Variants in DSG4 observed in about 807,000 individuals in gnomAD.
DSG4 encodes desmoglein 4.
Under a neutral mutation model 93.1 loss-of-function variants are expected in DSG4, and 87 were observed. That is an observed-to-expected ratio of 0.93 (90% confidence interval 0.79 to 1.12). The LOEUF (loss-of-function observed/expected upper bound fraction) is 1.12. Among genes scored for constraint, DSG4 ranks in the 50% most tolerant of loss-of-function variants. DSG4 has a pLI of 0.00. For synonymous variants in DSG4, 432 were observed against 452.9 expected (o/e 0.95, Z 0.59); for missense variants, 1,373 against 1,285.7 (o/e 1.07, Z -1.04).
At chr18:31,392,464 A>G (rs2072260963) in intron 8 of DSG4, 124 bp downstream of exon 8, 3 of 1,068,156 alleles carry the variant, frequency 2.8e-6, no homozygotes, top group Non-Finnish European at 4.2e-6. Flanking sequence ...TATTGTTTAT[A>G]TCAAGGGTCC....
At position 31,409,535 on chromosome 18, in the gene DSG4, G is replaced by A. The variant is rs1378744863; in HGVS notation, c.2017G>A (p.Gly673Ser). ...LGTRFAPVPE[G>S]GEGVMQSWRI... is the part of the protein sequence containing the mutation. ...AACAAGATTTGCTCCTGTGCCTGAGGGCGGAGAAGGAGTGATGCAGTCTTG... is the reference window on the plus strand; with the variant it reads ...AACAAGATTTGCTCCTGTGCCTGAGAGCGGAGAAGGAGTGATGCAGTCTTG... The change falls in exon 13 of 16, where the codon GGC (glycine) becomes AGC (serine). Residue 673 changes from glycine to serine, a missense_variant. Coordinates refer to ENST00000308128, the MANE Select transcript of DSG4 (RefSeq NM_177986.5). The A allele has an allele frequency of 2.5e-6, 4 of 1,614,074 alleles. No individual in the cohort carries two copies. Among genetic ancestry groups the A allele is most frequent in the Non-Finnish European group, 3.4e-6 (4 of 1,180,056 alleles).
chr18:31,391,245 A>G, intron 7 of DSG4, 33 bp downstream of exon 7: 1 of 1,612,340 alleles, frequency 6.2e-7, no homozygotes, highest in Non-Finnish European at 8.5e-7. Context: ...CTTTTTCCAT[A>G]AGTGTCAATA....
At chr18:31,412,431 A>G (rs2072504701) in intron 15 of DSG4, among the ~76,000 whole-genome samples, 1 of 152,212 alleles carries the variant, frequency 6.6e-6, no homozygotes, top group African/African-American at 2.4e-5. Context: ...GTTAGAATGA[A>G]GAAGATCTAG....
At chr18:31,399,082 T>TA (rs2072335390) in intron 8 of DSG4, among the ~76,000 whole-genome samples, 190 bp from the exon 9 acceptor site, 2 of 152,316 alleles carry the variant, frequency 1.3e-5, no homozygotes, top group South Asian at 4.1e-4. Flanking sequence ...CTGATTATGC[T>TA]AAAAGATGAA....
intron 14 of DSG4, 83 bp downstream of exon 14, chr18:31,409,891 T>C (rs997893553): frequency 2.0e-6 from 3 of 1,467,370 alleles, no homozygotes; most frequent in African/African-American, 2.8e-5. Context: ...AAGTACCTTA[T>C]GGAAAAGTCT....
intron 1 of DSG4, 22 bp downstream of exon 1, chr18:31,376,981 G>A: frequency 6.2e-7 from 1 of 1,611,994 alleles, no homozygotes; most frequent in Non-Finnish European, 8.5e-7. Context: ...TTAAAGAGGT[G>A]GGAAGGAAAT....
At chr18:31,377,191 A>G (rs1008189988) in intron 1 of DSG4, among the ~76,000 whole-genome samples, 11 of 152,222 alleles carry the variant, frequency 7.2e-5, no homozygotes, top group African/African-American at 2.4e-4. Flanking sequence ...GCCCTCAGAG[A>G]CATAATCTAC....
At chr18:31,404,865 T>A (rs1326051868) in intron 11 of DSG4, among the ~76,000 whole-genome samples, 3 of 152,172 alleles carry the variant, frequency 2.0e-5, no homozygotes, top group African/African-American at 7.2e-5. Context: ...ATCCTAGATA[T>A]TATGATTACA....
rs758293444 is a variant in DSG4, at chr18:31,385,138, G to A, written c.51G>A (p.Val17=). The A allele has an allele frequency of 3.2e-5, 51 of 1,601,396 alleles. No individual in the cohort carries two copies. In the Admixed American group the frequency reaches 8.4e-4, roughly 26 times the overall value. Reference sequence around the variant, plus strand: ...TGTGGTATCTTCTATCAAAACAGGTGGTGATGGAAGTAAACAGTGAATTTA... The same window carrying A: ...TGTGGTATCTTCTATCAAAACAGGTAGTGATGGAAGTAAACAGTGAATTTA... ...RNICLLIILM[V]VMEVNSEFIV... Residue 17 remains valine, a splice_region_variant and synonymous_variant, in exon 2 of 16, where the codon GTG becomes GTA. Transcript: ENST00000308128.
At position 31,413,576 on chromosome 18, in the gene DSG4, T is replaced by A; in HGVS notation, c.3104T>A (p.Ile1035Lys). The A allele has an allele frequency of 6.2e-7, 1 of 1,613,832 alleles. No homozygotes were observed. Among genetic ancestry groups the A allele is most frequent in the Non-Finnish European group, 8.5e-7 (1 of 1,179,990 alleles). The change falls in exon 16 of 16, where the codon ATA becomes AAA. Residue 1035 changes from isoleucine (I) to lysine (K), a missense_variant. By Grantham distance (102) the Ile-to-Lys change is moderately radical. Coordinates refer to ENST00000308128, the MANE Select transcript of DSG4 (RefSeq NM_177986.5). ...SRHRVTRYSN[I>K]HYTQQ ...CACAGAGTAACACGATACAGTAACA[T>A]ACATTACACCCAACAGTAAGTGCTT...
rs2072522932 is a variant in DSG4, at chr18:31,413,535, C to T, written c.3063C>T (p.Ser1021=). 1 of 1,613,996 alleles carries T rather than the reference C, an allele frequency of 6.2e-7. No individual in the cohort carries two copies. The highest frequency in any genetic ancestry group is 8.5e-7 in the Non-Finnish European group (1 of 1,179,990). ...TAGGCCAAACCGTTGGCTCCACATC[C>T]CCCATGACATCTCGACACAGAGTAA... ...LPIGQTVGST[S]PMTSRHRVTR... is the part of the protein sequence containing the mutation. The change falls in exon 16 of 16, where the codon TCC becomes TCT. Residue 1021 remains serine, a synonymous_variant. Coordinates refer to ENST00000308128, the MANE Select transcript of DSG4 (RefSeq NM_177986.5).
intron 15 of DSG4, 114 bp from the exon 16 acceptor site, chr18:31,412,714 A>G (rs2072507666): frequency 5.6e-6 from 6 of 1,063,056 alleles, no homozygotes; most frequent in Admixed American, 2.2e-5. Flanking sequence ...TGATACCATT[A>G]TTCAGTTTAT....
At chr18:31,387,691 T>G (rs2072202931) in intron 3 of DSG4, among the ~76,000 whole-genome samples, 1 of 152,158 alleles carries the variant, frequency 6.6e-6, no homozygotes, top group South Asian at 2.1e-4. Context: ...TCCAGCAGTC[T>G]TTATTTGACT....
At chr18:31,403,252 A>G (rs959932893) in intron 10 of DSG4, among the ~76,000 whole-genome samples, 164 bp from the exon 11 acceptor site, 1 of 152,212 alleles carries the variant, frequency 6.6e-6, no homozygotes. Context: ...GGTAGCACAC[A>G]AAGGGAAGAG....
chr18:31,392,125 T>C, intron 7 of DSG4, 30 bp from the exon 8 acceptor site: 2 of 1,608,632 alleles, frequency 1.2e-6, no homozygotes, highest in East Asian at 2.2e-5. Flanking sequence ...TGAAAATTCA[T>C]TGACTACAAA....
Position 31,409,778 on chromosome 18 carries a change from T to A in DSG4, c.2107T>A (p.Ser703Thr). Residue 703 changes from serine (S) to threonine (T), a missense_variant, in exon 14 of 16, where the codon TCA (serine) becomes ACA (threonine). Ser to Thr is a moderately conservative substitution (Grantham distance 58). Transcript: ENST00000308128. ...AAATATATGTGCACCCATGACAGCC[T>A]CAAATACCCAGGATCGGATGGATTC... ...VSNICAPMTASNTQDRMDSSE... is the reference protein window; with the variant it reads ...VSNICAPMTATNTQDRMDSSE... The A allele has an allele frequency of 1.2e-6, 2 of 1,614,236 alleles. No individual in the cohort carries two copies. The highest frequency in any genetic ancestry group is 1.7e-6 in the Non-Finnish European group (2 of 1,180,044).
chr18:31,391,961 A>G (rs746630095), intron 7 of DSG4, among the ~76,000 whole-genome samples, 194 bp from the exon 8 acceptor site: 1 of 152,306 alleles, frequency 6.6e-6, no homozygotes, highest in East Asian at 1.9e-4. Flanking sequence ...TTTTACATAC[A>G]GCACATGAAT....
intron 3 of DSG4, among the ~76,000 whole-genome samples, chr18:31,387,959 TGACTAAATCTCA>T (rs2072205853): frequency 6.6e-6 from 1 of 152,178 alleles, no homozygotes; most frequent in South Asian, 2.1e-4. Context: ...TCTACCATTT[TGACTAAATCTCA>T]GACTCCAGCT....
Position 31,388,536 on chromosome 18 carries a change from A to G in DSG4, c.372+14A>G, listed in dbSNP as rs371390432. On this transcript the variant is annotated intron_variant, in intron 4 of 15. Transcript: ENST00000308128. ...CCACTTTTCTTGGTAAGTCATAGCC[A>G]TATGTTTTGATTTGTTCATATTAGT... 5.6e-6 allele frequency: 9 copies of G among 1,612,868 alleles called. No homozygotes were observed. The African/African-American group carries it at 6.7e-5, about 12-fold the overall frequency.
Sources: gnomAD v4.1 joint callset for allele counts (sites outside exome capture counted in the v4.1 genomes callset) on GRCh38, gnomAD v4.1.1 for gene constraint, MANE v1.5 for transcripts, NCBI Gene and HGNC (gene_info 2026-07-23, HGNC 2026-07-21) for gene names.